GMPS: variants seen among roughly 807,000 people sequenced by gnomAD.
GMPS encodes the protein guanosine monophosphate synthase, also known as GMP synthase [glutamine-hydrolyzing].
GMPS carries 15 observed loss-of-function variants against 77.9 expected under a neutral mutation model. The ratio of observed to expected loss-of-function variants is 0.19; its 90% CI spans 0.13 to 0.30. GMPS has a LOEUF of 0.30. Among genes scored for constraint, GMPS ranks in the 10% least tolerant of loss-of-function variants. The pLI is 1.00. For synonymous variants in GMPS, 224 were observed against 275.9 expected (o/e 0.81, Z 1.86); for missense variants, 590 against 838.8 (o/e 0.70, Z 3.66).
chr3:155,910,998 C>T (rs1220281121), intron 6 of GMPS, 113 bp downstream of exon 6: 1 of 1,082,632 alleles, frequency 9.2e-7, no homozygotes. Context: ...AGTGCTTTTC[C>T]AGTTACCATA....
At chr3:155,894,631 C>G (rs1754556986) in intron 2 of GMPS, among the ~76,000 whole-genome samples, 1 of 152,002 alleles carries the variant, frequency 6.6e-6, no homozygotes, top group Admixed American at 6.6e-5. Flanking sequence ...GGCTCTTAAA[C>G]TCTAATATTA....
rs151158176 is a variant in GMPS, at chr3:155,913,818, C to T, written c.887-601C>T. 4.7e-3 allele frequency among the ~76,000 whole-genome samples: 716 copies of T among 151,462 alleles called. 1 individual carries two copies. The highest frequency in any genetic ancestry group is 6.6e-3 in the Admixed American group (101 of 15,198). On this transcript the variant is annotated intron_variant, in intron 7 of 15. Transcript: ENST00000496455. ...TTACAGGTGTGAGCCACCGTGCCGG[C>T]CCTAATCAGCATAATTTGTGATGTC...
chr3:155,879,061 C>G (rs1241027840), intron 1 of GMPS, among the ~76,000 whole-genome samples: 2 of 152,122 alleles, frequency 1.3e-5, no homozygotes, highest in Non-Finnish European at 2.9e-5. Context: ...CTAGCCTCAG[C>G]TATTGGATAA....
At chr3:155,885,446 A>T (rs936053644) in intron 1 of GMPS, among the ~76,000 whole-genome samples, 3 of 152,238 alleles carry the variant, frequency 2.0e-5, no homozygotes, top group African/African-American at 7.2e-5. Flanking sequence ...AACATGAAAC[A>T]GTTGGTAATT....
Position 155,925,317 on chromosome 3 carries a change from T to C in GMPS, c.1511T>C (p.Leu504Pro), listed in dbSNP as rs2108131213. The change falls in exon 12 of 16, where the codon CTG becomes CCG. Residue 504 changes from leucine (L) to proline (P), a missense_variant. Leu to Pro is a moderately conservative substitution (Grantham distance 98). This residue lies in a region of GMPS where 89 missense variants were observed against 95.9 expected (regional missense o/e 0.93). Coordinates refer to ENST00000496455, the MANE Select transcript of GMPS (RefSeq NM_003875.3). ...GAGAAGCTGATGCAAATTACCAGTC[T>C]GCATTCACTGAATGCCTTCTTGCTG... ...DQEKLMQITS[L>P]HSLNAFLLPI... 6.2e-7 allele frequency: 1 copy of C among 1,608,822 alleles called. No individual in the cohort carries two copies. The highest frequency in any genetic ancestry group is 8.5e-7 in the Non-Finnish European group (1 of 1,175,306).
At chr3:155,879,452 A>G (rs1754155595) in intron 1 of GMPS, among the ~76,000 whole-genome samples, 1 of 151,726 alleles carries the variant, frequency 6.6e-6, no homozygotes, top group Non-Finnish European at 1.5e-5. Context: ...CTTTTAGTAG[A>G]GTTGAAGTTT....
intron 15 of GMPS, 79 bp downstream of exon 15, chr3:155,936,589 C>G: frequency 1.3e-6 from 1 of 799,618 alleles, no homozygotes; most frequent in South Asian, 1.7e-5. Context: ...ATAGGCTATG[C>G]CAGTGCTGTA....
chr3:155,876,239 A>C (rs745447958), intron 1 of GMPS, among the ~76,000 whole-genome samples: 2 of 152,168 alleles, frequency 1.3e-5, no homozygotes, highest in Non-Finnish European at 2.9e-5. Context: ...GAGTGGCTGT[A>C]ACACAACTGG....
chr3:155,888,157 C>G (rs1029396780), intron 1 of GMPS, among the ~76,000 whole-genome samples: 16 of 151,236 alleles, frequency 1.1e-4, no homozygotes, highest in Non-Finnish European at 2.2e-4. Flanking sequence ...AGTAATCCCC[C>G]CTCCTTAGCC....
intron 9 of GMPS, among the ~76,000 whole-genome samples, 200 bp downstream of exon 9, chr3:155,916,392 C>T (rs1022168830): frequency 3.3e-5 from 5 of 152,028 alleles, no homozygotes; most frequent in Admixed American, 6.6e-5. Context: ...TGTCATCCTG[C>T]CCCCACCCCC....
chr3:155,886,505 G>T (rs1754340078), intron 1 of GMPS, among the ~76,000 whole-genome samples: 1 of 144,496 alleles, frequency 6.9e-6, no homozygotes, highest in Non-Finnish European at 1.5e-5. Flanking sequence ...GAGCTGAGAG[G>T]TTGCAGTGAG....
intron 2 of GMPS, among the ~76,000 whole-genome samples, chr3:155,897,163 C>A (rs1313186420): frequency 6.6e-6 from 1 of 151,812 alleles, no homozygotes; most frequent in Non-Finnish European, 1.5e-5. Context: ...TTGTGAAATT[C>A]TTGATATTAA....
intron 12 of GMPS, among the ~76,000 whole-genome samples, chr3:155,925,629 G>C (rs914184995): frequency 1.3e-5 from 2 of 152,090 alleles, no homozygotes; most frequent in Admixed American, 6.5e-5. Flanking sequence ...ATAGTTAATG[G>C]AACTAAATAG....
Position 155,870,717 on chromosome 3 carries a change from C to T in GMPS, c.-154C>T. On this transcript the variant is annotated 5_prime_UTR_variant, in exon 1 of 16. Coordinates refer to ENST00000496455, the MANE Select transcript of GMPS (RefSeq NM_003875.3). ...CGCGCTCCGCTGCTGTTGCTCCATT[C>T]GGCGCTTTTCTGGCGGCTGGCTCCT... is the stretch of plus-strand genomic sequence containing the variant. 1 of 566,142 alleles carries T rather than the reference C, an allele frequency of 1.8e-6. No individual in the cohort carries two copies. Among genetic ancestry groups the T allele is most frequent in the Non-Finnish European group, 3.1e-6 (1 of 318,586 alleles). The allele number at this position is 566,142 out of a possible 1,614,324, so 35.1% of individuals were successfully genotyped here.
chr3:155,893,761 T>C (rs1754529867), intron 2 of GMPS, 62 bp downstream of exon 2: 2 of 904,648 alleles, frequency 2.2e-6, no homozygotes, highest in Non-Finnish European at 3.2e-6. Context: ...TATTTTATTA[T>C]TAATTTTCTT....
At chr3:155,906,772 G>T (rs960378184) in intron 5 of GMPS, among the ~76,000 whole-genome samples, 3 of 152,032 alleles carry the variant, frequency 2.0e-5, no homozygotes, top group African/African-American at 7.2e-5. Context: ...CATTATTAAA[G>T]GGTTATAATA....
rs1307033915 is a variant in GMPS at position 155,916,055 on chromosome 3, C to G, written c.1075C>G (p.Pro359Ala). 1.2e-6 allele frequency: 2 copies of G among 1,613,144 alleles called. No individual in the cohort carries two copies. The highest frequency in any genetic ancestry group is 3.3e-5 in the Admixed American group (2 of 59,942). ...AGTAATTGGAGAAATGAACTTGAAACCAGAGGAGGTTTTCCTTGCCCAAGG... is the reference window on the plus strand; with the variant it reads ...AGTAATTGGAGAAATGAACTTGAAAGCAGAGGAGGTTTTCCTTGCCCAAGG... ...NEVIGEMNLK[P>A]EEVFLAQGTL... Residue 359 changes from proline (P) to alanine (A), a missense_variant, in exon 9 of 16, where the codon CCA (proline) becomes GCA (alanine). By Grantham distance (27) the Pro-to-Ala change is conservative. Transcript: ENST00000496455.
intron 1 of GMPS, among the ~76,000 whole-genome samples, chr3:155,888,259 T>C (rs1030340307): frequency 6.6e-6 from 1 of 151,276 alleles, no homozygotes; most frequent in African/African-American, 2.4e-5. Context: ...TGTTTTAGGG[T>C]TGGTCGTTCT....
chr3:155,908,305 C>T (rs993152716), intron 5 of GMPS, among the ~76,000 whole-genome samples: 14 of 152,208 alleles, frequency 9.2e-5, no homozygotes, highest in African/African-American at 3.4e-4. Context: ...AGGGAGGAGC[C>T]TGGCCTTTCC....
Sources: allele counts gnomAD v4.1 joint callset (sites outside exome capture counted in the v4.1 genomes callset), GRCh38; gene constraint gnomAD v4.1.1; regional missense constraint gnomAD v4.1.1; transcripts MANE v1.5; gene names NCBI Gene and HGNC (gene_info 2026-07-23, HGNC 2026-07-21).